Variants in ADGRB3 observed in about 807,000 individuals in gnomAD.
ADGRB3 encodes the protein brain-specific angiogenesis inhibitor 3.
Under a neutral mutation model 193.4 loss-of-function variants are expected in ADGRB3, and 37 were observed. The observed-to-expected ratio is 0.19, with a 90% CI of 0.15 to 0.25. The LOEUF (loss-of-function observed/expected upper bound fraction) is 0.25. Ranked by LOEUF, ADGRB3 falls within the 10% of genes least tolerant of loss-of-function variation. ADGRB3 has a pLI of 1.00. For synonymous variants in ADGRB3, 690 were observed against 644.2 expected (o/e 1.07, Z -1.08); for missense variants, 1,637 against 1,852.9 (o/e 0.88, Z 2.14).
intron 20 of ADGRB3, among the ~76,000 whole-genome samples, chr6:69,297,410 C>A (rs71557615): frequency 0.15 from 18,977 of 128,036 alleles, 1,356 homozygotes; most frequent in Middle Eastern, 0.2. Flanking sequence ...CTCTCTCTCT[C>A]TATATATATA....
At chr6:69,233,768 T>A (rs1322049887) in intron 18 of ADGRB3, among the ~76,000 whole-genome samples, 1 of 152,186 alleles carries the variant, frequency 6.6e-6, no homozygotes, top group Non-Finnish European at 1.5e-5. Flanking sequence ...GAGGGTATTG[T>A]TAGTAGTAGA....
At chr6:68,686,576 AC>A (rs1764986762) in intron 3 of ADGRB3, among the ~76,000 whole-genome samples, 1 of 152,210 alleles carries the variant, frequency 6.6e-6, no homozygotes, top group South Asian at 2.1e-4. Context: ...TGATCTGGCC[AC>A]AGTGGTTTTA....
intron 3 of ADGRB3, among the ~76,000 whole-genome samples, chr6:68,869,284 C>G (rs1452049749): frequency 1.3e-5 from 2 of 151,982 alleles, no homozygotes; most frequent in Non-Finnish European, 2.9e-5. Flanking sequence ...GATATAGAAA[C>G]TTTTTAATGT....
At chr6:69,092,378 T>C (rs1772734361) in intron 17 of ADGRB3, among the ~76,000 whole-genome samples, 1 of 152,200 alleles carries the variant, frequency 6.6e-6, no homozygotes, top group East Asian at 1.9e-4. Context: ...TAATTAACTT[T>C]TCATGAGTTT....
intron 3 of ADGRB3, among the ~76,000 whole-genome samples, chr6:68,867,444 C>T (rs1292289502): frequency 1.3e-5 from 2 of 152,212 alleles, no homozygotes; most frequent in African/African-American, 4.8e-5. Flanking sequence ...CAGATGTCTG[C>T]TTCAGGAGTG....
chr6:69,321,030 C>G (rs1032477791), intron 20 of ADGRB3, among the ~76,000 whole-genome samples: 3 of 151,694 alleles, frequency 2.0e-5, no homozygotes, highest in Admixed American at 6.6e-5. Flanking sequence ...TTCTACTTCC[C>G]ATGTCTTCAT....
chr6:69,056,957 T>G (rs764249669), intron 15 of ADGRB3, among the ~76,000 whole-genome samples: 2 of 152,148 alleles, frequency 1.3e-5, no homozygotes, highest in Non-Finnish European at 2.9e-5. Context: ...TTTTTCCATT[T>G]CTGCAAAAAT....
chr6:69,194,614 T>G (rs549603209), intron 17 of ADGRB3, among the ~76,000 whole-genome samples: 1 of 152,290 alleles, frequency 6.6e-6, no homozygotes, highest in African/African-American at 2.4e-5. Flanking sequence ...ATGAGTCATG[T>G]GATGGTTATC....
At chr6:68,682,437 T>C (rs1452017445) in intron 3 of ADGRB3, among the ~76,000 whole-genome samples, 3 of 152,232 alleles carry the variant, frequency 2.0e-5, no homozygotes, top group Non-Finnish European at 2.9e-5. Flanking sequence ...ACTGTAATAC[T>C]TTTATTTAAT....
chr6:68,836,157 G>A (rs1180214872), intron 3 of ADGRB3, among the ~76,000 whole-genome samples: 2 of 152,028 alleles, frequency 1.3e-5, no homozygotes, highest in African/African-American at 2.4e-5. Context: ...TATTAGAAAT[G>A]CCATGAAGCT....
intron 17 of ADGRB3, among the ~76,000 whole-genome samples, chr6:69,079,864 T>C (rs1369547581): frequency 1.3e-5 from 2 of 152,058 alleles, no homozygotes; most frequent in Non-Finnish European, 2.9e-5. Flanking sequence ...TTTCAGAAAG[T>C]GTTTCGTTAA....
At chr6:68,916,917 G>A (rs79796461) in intron 3 of ADGRB3, among the ~76,000 whole-genome samples, 2,174 of 152,234 alleles carry the variant, frequency 0.014, 52 homozygotes, top group African/African-American at 0.048. Flanking sequence ...ATACTGAGAA[G>A]TCATAAAAGG....
intron 8 of ADGRB3, among the ~76,000 whole-genome samples, chr6:68,968,680 T>C (rs1768465044): frequency 6.6e-6 from 1 of 152,214 alleles, no homozygotes; most frequent in African/African-American, 2.4e-5. Flanking sequence ...ACTATTGCCA[T>C]GTCATTATTA....
intron 3 of ADGRB3, among the ~76,000 whole-genome samples, chr6:68,800,697 T>C (rs1262157008): frequency 6.6e-6 from 1 of 150,768 alleles, no homozygotes; most frequent in Non-Finnish European, 1.5e-5. Flanking sequence ...GTAGGCTAAG[T>C]ATTGAGATTT....
At chr6:68,951,137 ATTGT>A (rs1303698545) in intron 6 of ADGRB3, among the ~76,000 whole-genome samples, 6 of 152,142 alleles carry the variant, frequency 3.9e-5, no homozygotes, top group Admixed American at 3.3e-4. Flanking sequence ...AAAATGAGAC[ATTGT>A]TTAATTTTTA....
intron 6 of ADGRB3, among the ~76,000 whole-genome samples, chr6:68,950,109 G>C (rs983223099): frequency 6.6e-6 from 1 of 152,008 alleles, no homozygotes; most frequent in South Asian, 2.1e-4. Context: ...AGGCTGGAGT[G>C]CAGTGGCATG....
At chr6:69,143,762 C>T (rs1458179634) in intron 17 of ADGRB3, among the ~76,000 whole-genome samples, 1 of 152,076 alleles carries the variant, frequency 6.6e-6, no homozygotes, top group African/African-American at 2.4e-5. Flanking sequence ...AATACCAGTA[C>T]CATGCTTTTT....
At chr6:68,813,163 G>A (rs999632558) in intron 3 of ADGRB3, among the ~76,000 whole-genome samples, 1 of 152,028 alleles carries the variant, frequency 6.6e-6, no homozygotes, top group Admixed American at 6.6e-5. Context: ...AGATCTAATG[G>A]GTTTATCAGC....
intron 11 of ADGRB3, among the ~76,000 whole-genome samples, chr6:68,998,015 A>G (rs1769441627): frequency 6.6e-6 from 1 of 152,204 alleles, no homozygotes; most frequent in South Asian, 2.1e-4. Context: ...AAAATTTCAA[A>G]TTATATAAGT....
Sources: allele counts gnomAD v4.1 joint callset (sites outside exome capture counted in the v4.1 genomes callset), GRCh38; gene constraint gnomAD v4.1.1; transcripts MANE v1.5; gene names NCBI Gene and HGNC (gene_info 2026-07-23, HGNC 2026-07-21).